The following TMTC2 variants were observed in gnomAD, a reference collection of about 807,000 sequenced individuals.
TMTC2 encodes the protein transmembrane O-mannosyltransferase targeting cadherins 2.
A neutral mutation model predicts 82.4 loss-of-function variants in TMTC2; 43 were observed. The observed-to-expected ratio is 0.52, with a 90% CI of 0.41 to 0.67. The LOEUF (loss-of-function observed/expected upper bound fraction) is 0.67, where lower values mean the gene tolerates loss of function less well. Among genes scored for constraint, TMTC2 ranks in the 30% least tolerant of loss-of-function variants. The probability of loss-of-function intolerance (pLI) is 0.00; values close to 1 mark genes in which losing one functional copy is unlikely to be tolerated. For missense variants in TMTC2, 919 were observed against 1,012.4 expected, an observed-to-expected ratio of 0.91 and a Z score of 1.25; for synonymous variants, 408 against 381.9, an observed-to-expected ratio of 1.07 and a Z score of -0.80.
chr12:82,690,270 C>A, intron 1 of TMTC2: 1 of 502,242 alleles, frequency 2.0e-6, no homozygotes, highest in Non-Finnish European at 2.6e-6. Flanking sequence ...ATGTTTAAAA[C>A]ATTGCTTAAA....
chr12:82,980,440 GGA>G (rs1878865204), intron 7 of TMTC2, among the ~76,000 whole-genome samples: 1 of 151,736 alleles, frequency 6.6e-6, no homozygotes, highest in Admixed American at 6.6e-5. Context: ...CAAACTCCAT[GGA>G]GAGACTAGAA....
At chr12:82,997,400 ATATATATATGTG>A (rs1384349592) in intron 8 of TMTC2, among the ~76,000 whole-genome samples, 1 of 37,176 alleles carries the variant, frequency 2.7e-5, no homozygotes, top group African/African-American at 7.0e-5. Context: ...ATATATGTGT[ATATATATATGTG>A]TATATATATA....
At chr12:83,038,510 A>G (rs1881759727) in intron 9 of TMTC2, among the ~76,000 whole-genome samples, 2 of 152,166 alleles carry the variant, frequency 1.3e-5, no homozygotes, top group Non-Finnish European at 2.9e-5. Flanking sequence ...TATTTGTTAC[A>G]GGTAAAATGG....
At chr12:82,860,950 G>A (rs1345655227) in intron 2 of TMTC2, among the ~76,000 whole-genome samples, 1 of 152,132 alleles carries the variant, frequency 6.6e-6, no homozygotes, top group Admixed American at 6.5e-5. Flanking sequence ...TCTATGCCTG[G>A]GGTGAGTTAG....
Position 82,966,911 on chromosome 12 carries a change from TA to T in TMTC2, c.1870-5del, listed in dbSNP as rs1466408124. The T allele has an allele frequency of 6.3e-7, 1 of 1,598,700 alleles. No individual in the cohort carries two copies. Among genetic ancestry groups the T allele is most frequent in the African/African-American group, 1.3e-5 (1 of 74,216 alleles). On this transcript the variant is annotated splice_region_variant and splice_polypyrimidine_tract_variant and intron_variant, in intron 6 of 11. Coordinates refer to ENST00000321196, the MANE Select transcript of TMTC2 (RefSeq NM_152588.3). ...TGATTTATCTATTTTTTTTGTTTTA[TA>T]AATTAGGAAGCCCTTAGTGTATACA...
At position 83,061,622 on chromosome 12, in the gene TMTC2, A is replaced by C. The variant is rs1395834855; in HGVS notation, c.2268-146A>C. The C allele has an allele frequency of 5.3e-6, 3 of 569,978 alleles. No homozygotes were observed. In the African/African-American group the frequency reaches 5.9e-5, roughly 11 times the overall value. The allele number at this position is 569,978 out of a possible 1,614,324, so 35.3% of individuals were successfully genotyped here. On this transcript the variant is annotated intron_variant, in intron 10 of 11. Transcript: ENST00000321196. ...ATTAACAAGTGCAATGCAAACACTC[A>C]ATTTTTAAGTCTTTTTCTGCTTGGG... is the stretch of plus-strand genomic sequence containing the variant.
chr12:82,874,891 T>G (rs1872399168), intron 2 of TMTC2, among the ~76,000 whole-genome samples: 1 of 152,154 alleles, frequency 6.6e-6, no homozygotes, highest in Non-Finnish European at 1.5e-5. Context: ...GAAATTAATT[T>G]GACAAATAAT....
At chr12:83,108,022 T>C (rs11115593) in intron 11 of TMTC2, among the ~76,000 whole-genome samples, 30,767 of 151,884 alleles carry the variant, frequency 0.2, 3,553 homozygotes, top group African/African-American at 0.31. Flanking sequence ...TCTTCTTCCT[T>C]CTGCTCTGGC....
chr12:83,052,574 A>T (rs1438649217), intron 10 of TMTC2, among the ~76,000 whole-genome samples: 1 of 152,150 alleles, frequency 6.6e-6, no homozygotes, highest in Non-Finnish European at 1.5e-5. Context: ...GCCACAATAA[A>T]CAATTTGCAA....
intron 1 of TMTC2, among the ~76,000 whole-genome samples, chr12:82,708,498 C>G (rs1873475827): frequency 6.6e-6 from 1 of 152,188 alleles, no homozygotes; most frequent in South Asian, 2.1e-4. Flanking sequence ...GGCATGGACC[C>G]CATGCTACTA....
intron 1 of TMTC2, among the ~76,000 whole-genome samples, chr12:82,718,229 A>C (rs1342584084): frequency 6.6e-6 from 1 of 152,222 alleles, no homozygotes; most frequent in Non-Finnish European, 1.5e-5. Flanking sequence ...GCTTGATTTG[A>C]AACTTCATCT....
intron 1 of TMTC2, among the ~76,000 whole-genome samples, chr12:82,748,386 A>T (rs1875800243): frequency 6.6e-6 from 1 of 152,174 alleles, no homozygotes; most frequent in African/African-American, 2.4e-5. Context: ...CTCTTCTGGT[A>T]GGTAGTTAAA....
intron 7 of TMTC2, among the ~76,000 whole-genome samples, chr12:82,967,546 A>G (rs1330124514): frequency 6.6e-6 from 1 of 152,106 alleles, no homozygotes; most frequent in East Asian, 1.9e-4. Context: ...TAAGAGGTCA[A>G]GAATGAGAAA....
intron 1 of TMTC2, among the ~76,000 whole-genome samples, chr12:82,760,599 A>G (rs1876567780): frequency 6.6e-6 from 1 of 151,516 alleles, no homozygotes; most frequent in African/African-American, 2.4e-5. Flanking sequence ...CCCCCAGGTC[A>G]TGGACCAGTA....
chr12:83,130,555 G>C (rs574038261), intron 11 of TMTC2, among the ~76,000 whole-genome samples: 2 of 152,106 alleles, frequency 1.3e-5, no homozygotes, highest in South Asian at 4.1e-4. Context: ...ATATAGAAAG[G>C]TTTAAAAATA....
intron 11 of TMTC2, among the ~76,000 whole-genome samples, chr12:83,122,674 T>G (rs1884991664): frequency 6.6e-6 from 1 of 152,192 alleles, no homozygotes. Flanking sequence ...GTATTTGGGG[T>G]GTCTCCCGTG....
At chr12:83,038,206 G>A (rs374569877) in intron 9 of TMTC2, among the ~76,000 whole-genome samples, 43 of 151,468 alleles carry the variant, frequency 2.8e-4, no homozygotes, top group Non-Finnish European at 4.3e-4. Context: ...GTTAATGGGT[G>A]CAGCACACCA....
intron 1 of TMTC2, among the ~76,000 whole-genome samples, chr12:82,716,015 C>T (rs529131389): frequency 6.6e-6 from 1 of 152,118 alleles, no homozygotes; most frequent in African/African-American, 2.4e-5. Flanking sequence ...TCCAATGTTA[C>T]GTGAAATTGA....
At chr12:82,867,586 G>A (rs1871933539) in intron 2 of TMTC2, among the ~76,000 whole-genome samples, 1 of 152,074 alleles carries the variant, frequency 6.6e-6, no homozygotes. Flanking sequence ...TAGAGACCTT[G>A]ATTATATGCA....
Sources: allele counts gnomAD v4.1 joint callset (sites outside exome capture counted in the v4.1 genomes callset), GRCh38; gene constraint gnomAD v4.1.1; transcripts MANE v1.5; gene names NCBI Gene and HGNC (gene_info 2026-07-23, HGNC 2026-07-21).